The following COL24A1 variants were observed in gnomAD, a reference collection of about 807,000 sequenced individuals.
The protein encoded by COL24A1 is collagen type XXIV alpha 1 chain.
A neutral mutation model predicts 253.9 loss-of-function variants in COL24A1; 224 were observed. The ratio of observed to expected loss-of-function variants is 0.88; its 90% CI spans 0.79 to 0.99. COL24A1 has a LOEUF of 0.99. Ranked by LOEUF, COL24A1 falls within the 50% of genes least tolerant of loss-of-function variation. The pLI, the probability that COL24A1 is intolerant of heterozygous loss-of-function variation, is 0.00. For synonymous variants in COL24A1, 685 were observed against 673.7 expected (o/e 1.02, Z -0.26); for missense variants, 2,131 against 2,068.5 (o/e 1.03, Z -0.59).
At chr1:85,998,453 T>C (rs1327360984) in intron 19 of COL24A1, among the ~76,000 whole-genome samples, 1 of 152,222 alleles carries the variant, frequency 6.6e-6, no homozygotes, top group Non-Finnish European at 1.5e-5. Flanking sequence ...TTATTCATAC[T>C]ATACTGTAAT....
At position 85,729,331 on chromosome 1, in the gene COL24A1, A is replaced by G. The variant is rs1229781687; in HGVS notation, c.*1215T>C. On this transcript the variant is annotated 3_prime_UTR_variant, in exon 60 of 60. Transcript: ENST00000370571. ...TGAACAAGCTTTTCTAGATACCAAG[A>G]GGTATAATATTTTTCTTTCAGTATT... 4 of 152,190 alleles carry G rather than the reference A, an allele frequency of 2.6e-5. No homozygotes were observed. 9.4% of individuals were successfully genotyped at this position (152,190 alleles called of 1,614,324 possible).
At position 85,742,137 on chromosome 1, in the gene COL24A1, C is replaced by CTTT. The variant is rs67922956; in HGVS notation, c.4672+2526_4672+2528dup. 5.6e-5 allele frequency among the ~76,000 whole-genome samples: 8 copies of CTTT among 142,396 alleles called. 1 individual carries two copies. The highest frequency in any genetic ancestry group is 2.2e-4 in the South Asian group (1 of 4,602). The allele number at this position is 142,396 out of a possible 152,430, so 93.4% of individuals were successfully genotyped here. On this transcript the variant is annotated intron_variant, in intron 57 of 59. Transcript: ENST00000370571. ...AGTTTTTAGACCTCATTTCTTTTTT[C>CTTT]TTTTTTTTTCTTTTGAGACAGAGTC...
At chr1:86,112,472 C>G in intron 5 of COL24A1, 95 bp downstream of exon 5, 1 of 1,088,652 alleles carries the variant, frequency 9.2e-7, no homozygotes, top group Non-Finnish European at 1.4e-6. Flanking sequence ...CTTGATGTAT[C>G]AAGACTTGCC....
intron 24 of COL24A1, among the ~76,000 whole-genome samples, chr1:85,936,585 C>A (rs1233321619): frequency 6.8e-6 from 1 of 146,922 alleles, no homozygotes; most frequent in South Asian, 2.4e-4. Context: ...AATTTGGGAG[C>A]ACTTTCCAAG....
Position 85,921,150 on chromosome 1 carries a change from G to A in COL24A1, c.2563-9717C>T, listed in dbSNP as rs1686424871. Among the ~76,000 whole-genome samples, 3 of 152,192 alleles carry A rather than the reference G, an allele frequency of 2.0e-5. No homozygotes were observed. The South Asian group carries it at 6.2e-4, about 31-fold the overall frequency. ...TGGGGCATCGCCTCACCTGGGAAGT[G>A]CAAGGGGTTGGGGGACTTCCCTTTC... On this transcript the variant is annotated intron_variant, in intron 24 of 59. Coordinates refer to ENST00000370571, the MANE Select transcript of COL24A1 (RefSeq NM_152890.7).
At chr1:85,786,328 C>G (rs562525753) in intron 48 of COL24A1, 26 bp downstream of exon 48, 1 of 1,597,492 alleles carries the variant, frequency 6.3e-7, no homozygotes, top group Non-Finnish European at 8.6e-7. Flanking sequence ...ATACTGCTTA[C>G]CCATTGGAAC....
intron 7 of COL24A1, among the ~76,000 whole-genome samples, chr1:86,078,347 C>A (rs1363130402): frequency 6.6e-6 from 1 of 152,158 alleles, no homozygotes; most frequent in Non-Finnish European, 1.5e-5. Flanking sequence ...CAGCTAGTAT[C>A]ATTCTGAATG....
chr1:85,864,183 A>T (rs1679505609), intron 37 of COL24A1, among the ~76,000 whole-genome samples: 1 of 152,182 alleles, frequency 6.6e-6, no homozygotes, highest in African/African-American at 2.4e-5. Flanking sequence ...GGATTAAGAA[A>T]ATGTGGCATG....
Position 86,081,629 on chromosome 1 carries a change from G to T in COL24A1, c.1707+7545C>A, listed in dbSNP as rs569438029. Among the ~76,000 whole-genome samples the T allele has an allele frequency of 2.4e-4, 37 of 152,240 alleles. 1 individual carries two copies. Among genetic ancestry groups the T allele is most frequent in the African/African-American group, 8.4e-4 (35 of 41,546 alleles). On this transcript the variant is annotated intron_variant, in intron 7 of 59. Coordinates refer to ENST00000370571, the MANE Select transcript of COL24A1 (RefSeq NM_152890.7). ...ACTTTACTGTCTGTACATGATTGAA[G>T]AATCACCAACAGACTGAATGAAATG...
intron 58 of COL24A1, chr1:85,736,521 C>T (rs1483032679): frequency 8.8e-6 from 4 of 455,444 alleles, no homozygotes; most frequent in Non-Finnish European, 1.8e-5. Context: ...ATGGAAGGAT[C>T]CTTCCCTCTT....
rs181189505 is a variant in COL24A1 at position 86,112,644 on chromosome 1, C to A, written c.1546-24G>T. On this transcript the variant is annotated intron_variant, in intron 4 of 59. Transcript: ENST00000370571. ...CCCTGCAAGTAACGAAAAAAGTCAT[C>A]ATTCTTGGAACATACTGGAATGGAA... 62 of 1,609,898 alleles carry A rather than the reference C, an allele frequency of 3.9e-5. No individual in the cohort carries two copies. The Admixed American group carries it at 9.7e-4, about 25-fold the overall frequency.
At chr1:85,830,661 T>C (rs542681147) in intron 43 of COL24A1, among the ~76,000 whole-genome samples, 1 of 152,272 alleles carries the variant, frequency 6.6e-6, no homozygotes, top group South Asian at 2.1e-4. Flanking sequence ...AAGCGCAGTA[T>C]TCGGGTCAGA....
chr1:86,156,102 G>A (rs929326727), intron 1 of COL24A1: 2 of 393,334 alleles, frequency 5.1e-6, no homozygotes, highest in African/African-American at 2.1e-5. Context: ...TTTTCCTCTC[G>A]AGCCAAAAGA....
At chr1:85,823,222 T>C (rs1673849502) in intron 45 of COL24A1, among the ~76,000 whole-genome samples, 1 of 152,200 alleles carries the variant, frequency 6.6e-6, no homozygotes, top group Non-Finnish European at 1.5e-5. Flanking sequence ...AATACTAGTT[T>C]TAAGGTTTGC....
At chr1:86,108,829 A>T (rs1025585384) in intron 5 of COL24A1, among the ~76,000 whole-genome samples, 1 of 151,328 alleles carries the variant, frequency 6.6e-6, no homozygotes, top group Non-Finnish European at 1.5e-5. Flanking sequence ...AGGATTCTCT[A>T]AAGGGAGAGT....
At chr1:85,924,875 T>C (rs888941083) in intron 24 of COL24A1, among the ~76,000 whole-genome samples, 1 of 152,160 alleles carries the variant, frequency 6.6e-6, no homozygotes, top group Non-Finnish European at 1.5e-5. Context: ...AAAGAGGAAG[T>C]GAAATTGTCC....
At chr1:85,884,005 G>A (rs1571070276) in intron 32 of COL24A1, among the ~76,000 whole-genome samples, 2 of 151,840 alleles carry the variant, frequency 1.3e-5, no homozygotes, top group Admixed American at 6.6e-5. Context: ...TTATTCCTTC[G>A]CCAACACTCC....
intron 5 of COL24A1, among the ~76,000 whole-genome samples, chr1:86,111,803 G>A (rs1407834821): frequency 2.0e-5 from 3 of 152,068 alleles, no homozygotes; most frequent in East Asian, 1.9e-4. Context: ...GAACAACTCC[G>A]GATAGGAGGA....
chr1:86,007,069 G>C (rs1315882117), intron 19 of COL24A1, among the ~76,000 whole-genome samples: 1 of 145,588 alleles, frequency 6.9e-6, no homozygotes, highest in Non-Finnish European at 1.5e-5. Flanking sequence ...AATAATAATA[G>C]CTGGGCACAG....
Sources: allele counts gnomAD v4.1 joint callset (sites outside exome capture counted in the v4.1 genomes callset), GRCh38; gene constraint gnomAD v4.1.1; transcripts MANE v1.5; gene names NCBI Gene and HGNC (gene_info 2026-07-23, HGNC 2026-07-21).